Variants in DYNC2I2 observed in about 807,000 individuals in gnomAD.
DYNC2I2 encodes dynein 2 intermediate chain 2.
In DYNC2I2, 39 loss-of-function variants were observed where a neutral mutation model predicts 52.0. The observed-to-expected ratio is 0.75, with a 90% CI of 0.58 to 0.98. The LOEUF is 0.98. DYNC2I2 is among the 50% of genes least tolerant of loss of function. DYNC2I2 has a pLI of 0.00. For synonymous variants in DYNC2I2, 359 were observed against 321.1 expected (o/e 1.12, Z -1.26); for missense variants, 743 against 728.4 (o/e 1.02, Z -0.23).
At chr9:128,669,161 C>A in the DYNC2I2 span, among the ~76,000 whole-genome samples, 1 of 151,958 alleles carries the variant, frequency 6.6e-6, no homozygotes, top group Admixed American at 6.6e-5. Flanking sequence ...GTCAGGAGAT[C>A]AAGACCATCC....
At chr9:128,657,885 T>C (rs1190127093), upstream of DYNC2I2, among the ~76,000 whole-genome samples, 2 of 151,142 alleles carry the variant, frequency 1.3e-5, no homozygotes, top group Non-Finnish European at 2.9e-5. Context: ...AGCCCAGGAG[T>C]TTGAGACCTG....
chr9:128,669,341 G>A, the DYNC2I2 span, among the ~76,000 whole-genome samples: 3 of 151,736 alleles, frequency 2.0e-5, no homozygotes, highest in South Asian at 6.2e-4. Context: ...CTCCAGCCTG[G>A]GCGACAGAGC....
At chr9:128,634,447 C>A in intron 7 of DYNC2I2, 64 bp from the exon 8 acceptor site, 1 of 1,512,754 alleles carries the variant, frequency 6.6e-7, no homozygotes, top group Non-Finnish European at 8.8e-7. Flanking sequence ...TGCTGGCCCC[C>A]AACACCAGAC....
At chr9:128,672,513 A>T in the DYNC2I2 span, among the ~76,000 whole-genome samples, 1 of 152,060 alleles carries the variant, frequency 6.6e-6, no homozygotes, top group Admixed American at 6.6e-5. Context: ...AAAAAAAAAA[A>T]AAGTTTAATC....
chr9:128,649,688 CAAAA>C (rs34154610), intron 1 of DYNC2I2, among the ~76,000 whole-genome samples: 2 of 47,232 alleles, frequency 4.2e-5, no homozygotes, highest in East Asian at 6.3e-4. Flanking sequence ...GACTCCATCT[CAAAA>C]AAAAAAAAAA....
chr9:128,636,487 A>G lies in DYNC2I2; in HGVS notation c.546-49T>C, dbSNP rs1187096497. ...GGCTGTGCCCCTGGGTGGGGCTCCT[A>G]TCACCCACCCCACCTCTCTCCCCAC... On this transcript the variant is annotated intron_variant, in intron 3 of 8. Coordinates refer to ENST00000372715, the MANE Select transcript of DYNC2I2 (RefSeq NM_052844.4). The G allele has an allele frequency of 2.6e-6, 4 of 1,545,284 alleles. No individual in the cohort carries two copies. In the African/African-American group the frequency reaches 4.1e-5, roughly 16 times the overall value.
chr9:128,662,903 C>G, the DYNC2I2 span, among the ~76,000 whole-genome samples: 1 of 151,690 alleles, frequency 6.6e-6, no homozygotes, highest in Admixed American at 6.6e-5. Flanking sequence ...CTCACAGGTT[C>G]AAGCATTTCT....
intron 1 of DYNC2I2, among the ~76,000 whole-genome samples, chr9:128,641,600 C>T (rs1860514891): frequency 1.3e-5 from 2 of 152,146 alleles, no homozygotes; most frequent in South Asian, 2.1e-4. Flanking sequence ...CAATCTTCAC[C>T]AAACCAAGGC....
At chr9:128,646,212 G>T (rs1564343027) in intron 1 of DYNC2I2, among the ~76,000 whole-genome samples, 1 of 152,104 alleles carries the variant, frequency 6.6e-6, no homozygotes, top group Non-Finnish European at 1.5e-5. Flanking sequence ...TTTTGTTGTT[G>T]TTTTTTTGTT....
upstream of DYNC2I2, among the ~76,000 whole-genome samples, chr9:128,658,513 G>A (rs564620720): frequency 3.2e-4 from 48 of 151,510 alleles, no homozygotes; most frequent in Admixed American, 1.7e-3. Flanking sequence ...CCAGGCTGGC[G>A]TGCAGTGGCA....
At chr9:128,635,909 G>A (rs1860400075) in intron 4 of DYNC2I2, 142 bp from the exon 5 acceptor site, 22 of 772,214 alleles carry the variant, frequency 2.8e-5, no homozygotes, top group Non-Finnish European at 4.8e-5. Context: ...TCCCCACAGA[G>A]GGAGAGTCCT....
At chr9:128,671,536 G>A in the DYNC2I2 span, among the ~76,000 whole-genome samples, 2 of 146,190 alleles carry the variant, frequency 1.4e-5, no homozygotes, top group Admixed American at 7.1e-5. Flanking sequence ...GGCAGTGGCC[G>A]ATCTCGATTC....
chr9:128,659,486 C>T (rs903656406), upstream of DYNC2I2, among the ~76,000 whole-genome samples: 4 of 141,908 alleles, frequency 2.8e-5, no homozygotes, highest in African/African-American at 7.9e-5. Flanking sequence ...CAGAGGGAGA[C>T]TCCGTCTCAA....
At position 128,646,134 on chromosome 9, in the gene DYNC2I2, A is replaced by G. The variant is rs549491478; in HGVS notation, c.187-5195T>C. ...CAGCAAGTGCTGCTGGAGAAGCCGGAGCAAGTTCTCCAGAAGATCTAGCTC... is the reference window on the plus strand; with the variant it reads ...CAGCAAGTGCTGCTGGAGAAGCCGGGGCAAGTTCTCCAGAAGATCTAGCTC... On this transcript the variant is annotated intron_variant, in intron 1 of 8. Transcript: ENST00000372715. Among the ~76,000 whole-genome samples, 8 of 152,368 alleles carry G rather than the reference A, an allele frequency of 5.3e-5. No homozygotes were observed. In the East Asian group the frequency reaches 1.5e-3, roughly 29 times the overall value.
chr9:128,658,100 A>G (rs1210003703), upstream of DYNC2I2, among the ~76,000 whole-genome samples: 1 of 151,852 alleles, frequency 6.6e-6, no homozygotes. Context: ...GTCTCAAAAT[A>G]ATAATAATAA....
chr9:128,681,758 C>T, the DYNC2I2 span, among the ~76,000 whole-genome samples: 4 of 152,100 alleles, frequency 2.6e-5, no homozygotes. Context: ...GCCTTTGTGA[C>T]CCCCAGACAA....
chr9:128,655,585 G>A (rs1212283069), intron 1 of DYNC2I2, among the ~76,000 whole-genome samples: 1 of 148,592 alleles, frequency 6.7e-6, no homozygotes, highest in Non-Finnish European at 1.5e-5. Flanking sequence ...TCCAGCCTGG[G>A]CGACAGAGTG....
chr9:128,635,695 C>G lies in DYNC2I2; in HGVS notation c.776G>C (p.Gly259Ala). The G allele has an allele frequency of 1.9e-6, 3 of 1,612,524 alleles. No homozygotes were observed. Among genetic ancestry groups the G allele is most frequent in the East Asian group, 2.2e-5 (1 of 44,856 alleles). Residue 259 changes from glycine to alanine, a missense_variant, in exon 5 of 9, where the codon GGC becomes GCC. Transcript: ENST00000372715. ...GTCTGTGTGGGTGTCATCCGTCAGG[C>G]CTGTGCGCCACAGCAGCGGGTCCTC... Reference protein sequence around the residue: ...RLEDPLLWRTGLTDDTHTDPV... With the variant: ...RLEDPLLWRTALTDDTHTDPV...
At chr9:128,670,028 G>C in the DYNC2I2 span, among the ~76,000 whole-genome samples, 1 of 152,022 alleles carries the variant, frequency 6.6e-6, no homozygotes, top group South Asian at 2.1e-4. Context: ...TGTAATCCCA[G>C]CTACTTGAGT....
Sources: gnomAD v4.1 joint callset for allele counts (sites outside exome capture counted in the v4.1 genomes callset) on GRCh38, gnomAD v4.1.1 for gene constraint, MANE v1.5 for transcripts, NCBI Gene and HGNC (gene_info 2026-07-23, HGNC 2026-07-21) for gene names.